Variants in FCHSD2 observed in about 807,000 individuals in gnomAD.
FCHSD2 encodes FCH and double SH3 domains 2, also known as F-BAR and double SH3 domains protein 2.
In FCHSD2, 38 loss-of-function variants were observed where a neutral mutation model predicts 108.1. The observed-to-expected ratio is 0.35, with a 90% confidence interval of 0.27 to 0.46. FCHSD2 has a LOEUF of 0.46. FCHSD2 is among the 20% of genes least tolerant of loss of function. FCHSD2 has a pLI of 1.00. For missense variants in FCHSD2, 751 were observed against 897.8 expected, an observed-to-expected ratio of 0.84 and a Z score of 2.09; for synonymous variants, 279 against 314.7, an observed-to-expected ratio of 0.89 and a Z score of 1.20.
At position 72,871,256 on chromosome 11, in the gene FCHSD2, CT is replaced by C. The variant is rs1854851601; in HGVS notation, c.1147-3231del. The stretch of plus-strand genomic sequence containing the variant: ...GTCCTCCAAACTCTAAAAACCAAGG[CT>C]GAAAGTGAGCCAACCCCTTAAACAT... On this transcript the variant is annotated intron_variant, in intron 12 of 19. Transcript: ENST00000409418. 2.6e-5 allele frequency among the ~76,000 whole-genome samples: 4 copies of C among 152,282 alleles called. No individual in the cohort carries two copies. The South Asian group carries it at 6.2e-4, about 24-fold the overall frequency.
Position 73,000,877 on chromosome 11 carries a change from C to A in FCHSD2, c.387+113G>T, listed in dbSNP as rs1466521426. ...TCAGAAAATCCTAGTAAAATGTCAA[C>A]CAGAAACATATGGGACCATATAGTT... On this transcript the variant is annotated intron_variant, in intron 5 of 19. Coordinates refer to ENST00000409418, the MANE Select transcript of FCHSD2 (RefSeq NM_014824.3). The A allele has an allele frequency of 6.7e-6, 6 of 894,130 alleles. No homozygotes were observed. In the African/African-American group the frequency reaches 8.5e-5, roughly 13 times the overall value. 55.4% of individuals were successfully genotyped at this position (894,130 alleles called of 1,614,324 possible). A position where few individuals can be genotyped will look rare whatever the true frequency, so the allele number is the denominator to read the frequency against.
chr11:73,083,807 A>T, intron 2 of FCHSD2, 67 bp from the exon 3 acceptor site: 1 of 981,944 alleles, frequency 1.0e-6, no homozygotes, highest in Non-Finnish European at 1.6e-6. Flanking sequence ...ATCTATCAAC[A>T]CACCTTCAAA....
At chr11:72,941,463 A>ATAGAGTTTTATATTCCCCACTCTATTT (rs1856416752) in intron 8 of FCHSD2, among the ~76,000 whole-genome samples, 1 of 96,012 alleles carries the variant, frequency 1.0e-5, no homozygotes, top group Non-Finnish European at 2.3e-5. Flanking sequence ...TTAGTATAAA[A>ATAGAGTTTTATATTCCCCACTCTATTT]TATAGACTCC....
intron 3 of FCHSD2, among the ~76,000 whole-genome samples, chr11:73,047,090 T>C (rs1306077680): frequency 6.6e-6 from 1 of 152,088 alleles, no homozygotes; most frequent in Non-Finnish European, 1.5e-5. Flanking sequence ...AATGTGAATA[T>C]AATTCTACTT....
chr11:73,087,801 G>C (rs1343086536), intron 2 of FCHSD2, among the ~76,000 whole-genome samples: 1 of 152,074 alleles, frequency 6.6e-6, no homozygotes, highest in Non-Finnish European at 1.5e-5. Context: ...AGTTTCCTAG[G>C]CCTTTACATT....
chr11:72,897,376 T>C (rs1248124326), intron 10 of FCHSD2, among the ~76,000 whole-genome samples: 1 of 152,068 alleles, frequency 6.6e-6, no homozygotes, highest in East Asian at 1.9e-4. Context: ...CAGACTTTTT[T>C]TCTTTGTCTT....
At chr11:72,916,968 C>CTTTTTTTTT (rs71062793) in intron 9 of FCHSD2, among the ~76,000 whole-genome samples, 23 of 118,772 alleles carry the variant, frequency 1.9e-4, no homozygotes, top group African/African-American at 6.9e-4. Flanking sequence ...GAACTTCATT[C>CTTTTTTTTT]TTTTTTTTTT....
At chr11:72,887,613 T>C (rs1179431398) in intron 11 of FCHSD2, 39 bp from the exon 12 acceptor site, 4 of 1,283,260 alleles carry the variant, frequency 3.1e-6, no homozygotes, top group Non-Finnish European at 4.3e-6. Flanking sequence ...GACTGTTTTT[T>C]ACTTTTCATC....
chr11:73,113,792 G>C (rs1219109126), intron 2 of FCHSD2, among the ~76,000 whole-genome samples: 2 of 152,188 alleles, frequency 1.3e-5, no homozygotes, highest in Non-Finnish European at 2.9e-5. Flanking sequence ...AGCCACATCT[G>C]CATTAGGGGG....
intron 10 of FCHSD2, among the ~76,000 whole-genome samples, chr11:72,896,258 A>T (rs1052412095): frequency 2.6e-5 from 4 of 152,204 alleles, no homozygotes; most frequent in African/African-American, 9.6e-5. Context: ...TTGCTGTTCA[A>T]AGAAGGTAAA....
intron 14 of FCHSD2, among the ~76,000 whole-genome samples, chr11:72,844,633 CAG>C (rs913667607): frequency 6.6e-6 from 1 of 152,130 alleles, no homozygotes; most frequent in African/African-American, 2.4e-5. Flanking sequence ...GTGTAATAGA[CAG>C]GGGCCTGCTG....
chr11:73,055,593 T>G (rs186255333), intron 3 of FCHSD2, among the ~76,000 whole-genome samples: 4 of 152,212 alleles, frequency 2.6e-5, no homozygotes, highest in Non-Finnish European at 5.9e-5. Context: ...TAAGATTTTA[T>G]GCATATTTTA....
At chr11:73,139,948 T>A (rs1861208833) in intron 2 of FCHSD2, 83 bp downstream of exon 2, 1 of 703,470 alleles carries the variant, frequency 1.4e-6, no homozygotes, top group Non-Finnish European at 2.3e-6. Context: ...GGAAATTCCA[T>A]CATCAGTTCC....
chr11:72,897,083 T>G (rs1405031428), intron 10 of FCHSD2, among the ~76,000 whole-genome samples: 1 of 152,156 alleles, frequency 6.6e-6, no homozygotes, highest in Non-Finnish European at 1.5e-5. Context: ...ATCTCAGCTC[T>G]CAGCCTCCCA....
At chr11:72,948,287 C>T (rs1210287468) in intron 8 of FCHSD2, among the ~76,000 whole-genome samples, 1 of 152,176 alleles carries the variant, frequency 6.6e-6, no homozygotes, top group African/African-American at 2.4e-5. Context: ...GGATTACAAG[C>T]GTGAGCCACT....
intron 5 of FCHSD2, among the ~76,000 whole-genome samples, chr11:72,994,370 G>A (rs1395337770): frequency 2.0e-5 from 3 of 152,114 alleles, no homozygotes; most frequent in Non-Finnish European, 4.4e-5. Flanking sequence ...TCCTTGAAAC[G>A]ACTCTATGAA....
intron 8 of FCHSD2, among the ~76,000 whole-genome samples, chr11:72,955,601 C>T (rs992409531): frequency 2.0e-5 from 3 of 152,224 alleles, no homozygotes; most frequent in East Asian, 1.9e-4. Flanking sequence ...CCCATCCTGA[C>T]GCTATTCAGG....
intron 2 of FCHSD2, among the ~76,000 whole-genome samples, chr11:73,098,779 C>G (rs1389204359): frequency 6.6e-6 from 1 of 152,120 alleles, no homozygotes; most frequent in Non-Finnish European, 1.5e-5. Context: ...GCTCAAAGAC[C>G]TAAATGTAAC....
chr11:73,042,947 T>A (rs1405266440), intron 3 of FCHSD2, among the ~76,000 whole-genome samples: 2 of 152,194 alleles, frequency 1.3e-5, no homozygotes, highest in African/African-American at 4.8e-5. Flanking sequence ...TTCAAAGAGT[T>A]TTTTGTTGGA....
Sources: allele counts gnomAD v4.1 joint callset (sites outside exome capture counted in the v4.1 genomes callset), GRCh38; gene constraint gnomAD v4.1.1; transcripts MANE v1.5; gene names NCBI Gene and HGNC (gene_info 2026-07-23, HGNC 2026-07-21).